CCSER1: variants seen among roughly 807,000 people sequenced by gnomAD.
The protein encoded by CCSER1 is coiled-coil serine rich protein 1.
In CCSER1, 41 loss-of-function variants were observed where a neutral mutation model predicts 82.0. That is an observed-to-expected ratio of 0.50 (90% confidence interval 0.39 to 0.65). The LOEUF is 0.65. Ranked by LOEUF, CCSER1 falls within the 30% of genes least tolerant of loss-of-function variation. The pLI, the probability that CCSER1 is intolerant of heterozygous loss-of-function variation, is 0.00. For synonymous variants in CCSER1, 414 were observed against 383.9 expected, an observed-to-expected ratio of 1.08 and a Z score of -0.92; for missense variants, 1,119 against 1,064.2, an observed-to-expected ratio of 1.05 and a Z score of -0.72.
chr4:91,109,424 T>C (rs375183665), intron 10 of CCSER1, among the ~76,000 whole-genome samples: 2 of 152,006 alleles, frequency 1.3e-5, no homozygotes, highest in Non-Finnish European at 2.9e-5. Context: ...CAGTAACTTA[T>C]TAGCCCTAGT....
intron 10 of CCSER1, among the ~76,000 whole-genome samples, chr4:91,429,789 T>C (rs1754189533): frequency 6.6e-6 from 1 of 151,946 alleles, no homozygotes; most frequent in Admixed American, 6.6e-5. Context: ...TTAAGTACTA[T>C]TGAATGTAAT....
At chr4:91,416,201 A>G (rs544816342) in intron 10 of CCSER1, among the ~76,000 whole-genome samples, 14 of 152,168 alleles carry the variant, frequency 9.2e-5, no homozygotes, top group Non-Finnish European at 1.9e-4. Context: ...GAAATCAGAG[A>G]GAACACATAC....
chr4:90,145,143 A>AT (rs1206569216), intron 1 of CCSER1, among the ~76,000 whole-genome samples: 3 of 152,096 alleles, frequency 2.0e-5, no homozygotes, highest in Non-Finnish European at 4.4e-5. Context: ...TGCTAATTCT[A>AT]TTTTTATGTT....
intron 7 of CCSER1, among the ~76,000 whole-genome samples, chr4:90,733,770 A>T (rs528530406): frequency 1.3e-5 from 2 of 152,264 alleles, no homozygotes; most frequent in South Asian, 4.1e-4. Context: ...GGCATCATTT[A>T]TTAAAGAGAT....
intron 6 of CCSER1, among the ~76,000 whole-genome samples, chr4:90,666,374 G>A (rs1024757055): frequency 6.6e-6 from 1 of 152,128 alleles, no homozygotes; most frequent in Non-Finnish European, 1.5e-5. Flanking sequence ...TGCCTACCAT[G>A]GTGGTTGAAT....
chr4:90,684,683 C>A (rs951564547), intron 6 of CCSER1, among the ~76,000 whole-genome samples: 1 of 151,918 alleles, frequency 6.6e-6, no homozygotes. Flanking sequence ...TGGCTGTGTC[C>A]CCACCTAAAT....
intron 1 of CCSER1, among the ~76,000 whole-genome samples, chr4:90,262,865 C>T (rs1724580296): frequency 6.6e-6 from 1 of 152,136 alleles, no homozygotes; most frequent in Admixed American, 6.6e-5. Flanking sequence ...GGAATTATGA[C>T]TCTGCCACTC....
intron 10 of CCSER1, among the ~76,000 whole-genome samples, chr4:91,476,335 A>G (rs1320688065): frequency 6.6e-6 from 1 of 151,684 alleles, no homozygotes; most frequent in African/African-American, 2.4e-5. Context: ...AGACATTTTA[A>G]CTGGGATGAT....
rs1031475904 is a variant in CCSER1, at chr4:90,181,854, T to C, written c.-42+54023T>C. 1.2e-4 allele frequency among the ~76,000 whole-genome samples: 19 copies of C among 152,278 alleles called. No individual in the cohort carries two copies. The East Asian group carries it at 3.3e-3, about 26-fold the overall frequency. ...TGCCTTTATCTGTCTTTCTCTACTT[T>C]GCCCAGTCCTCTGAGAGTGTGAGAC... On this transcript the variant is annotated intron_variant, in intron 1 of 10. Coordinates refer to ENST00000509176, the MANE Select transcript of CCSER1 (RefSeq NM_001145065.2).
At chr4:90,294,475 T>A (rs1416886312) in intron 1 of CCSER1, among the ~76,000 whole-genome samples, 22 of 152,074 alleles carry the variant, frequency 1.4e-4, no homozygotes, top group Admixed American at 1.4e-3. Context: ...ACACTAGGAA[T>A]TGATGTTTGT....
At chr4:90,128,045 A>G (rs1366141747) in intron 1 of CCSER1, among the ~76,000 whole-genome samples, 1 of 151,828 alleles carries the variant, frequency 6.6e-6, no homozygotes, top group East Asian at 1.9e-4. Flanking sequence ...GGGCTCGCTC[A>G]CCACCGGCCC....
chr4:90,593,753 C>T (rs925338533), intron 5 of CCSER1, among the ~76,000 whole-genome samples: 1 of 151,982 alleles, frequency 6.6e-6, no homozygotes, highest in African/African-American at 2.4e-5. Flanking sequence ...TTGGATGCGT[C>T]TCCTCTGTGT....
At chr4:90,273,059 G>T (rs921723234) in intron 1 of CCSER1, among the ~76,000 whole-genome samples, 1 of 151,992 alleles carries the variant, frequency 6.6e-6, no homozygotes, top group Non-Finnish European at 1.5e-5. Flanking sequence ...GTCGTGTGTA[G>T]CAACATGGAT....
chr4:90,156,500 G>A (rs1728210634), intron 1 of CCSER1, among the ~76,000 whole-genome samples: 1 of 152,120 alleles, frequency 6.6e-6, no homozygotes, highest in Admixed American at 6.5e-5. Context: ...ATTAATGTTT[G>A]GGAGTCTAAG....
chr4:90,150,566 T>C (rs1491001691), intron 1 of CCSER1, among the ~76,000 whole-genome samples: 2 of 152,134 alleles, frequency 1.3e-5, no homozygotes, highest in African/African-American at 2.4e-5. Flanking sequence ...TTTGAACATA[T>C]AAACATTTAC....
At chr4:91,024,652 T>C (rs1740327350) in intron 9 of CCSER1, among the ~76,000 whole-genome samples, 2 of 152,148 alleles carry the variant, frequency 1.3e-5, no homozygotes, top group Admixed American at 1.3e-4. Context: ...AAAAAGAAAA[T>C]AAAGTACTGA....
chr4:90,492,924 G>A (rs943922689), intron 5 of CCSER1, among the ~76,000 whole-genome samples: 20 of 152,130 alleles, frequency 1.3e-4, no homozygotes, highest in Non-Finnish European at 2.6e-4. Context: ...TTGCTGAGGA[G>A]TGCTTTACTT....
rs549516211 is a variant in CCSER1, at chr4:91,401,714, A to G, written c.2218-196858A>G. Among the ~76,000 whole-genome samples the G allele has an allele frequency of 7.9e-5, 12 of 152,232 alleles. No individual in the cohort carries two copies. The East Asian group carries it at 2.1e-3, about 27-fold the overall frequency. On this transcript the variant is annotated intron_variant, in intron 10 of 10. Coordinates refer to ENST00000509176, the MANE Select transcript of CCSER1 (RefSeq NM_001145065.2). ...GGTTTCCAGCTTCATCCATATCCCTACAAAGGACATGAACTCATCCTTTTG... is the reference window on the plus strand; with the variant it reads ...GGTTTCCAGCTTCATCCATATCCCTGCAAAGGACATGAACTCATCCTTTTG...
At chr4:90,669,289 A>C (rs1285170369) in intron 6 of CCSER1, among the ~76,000 whole-genome samples, 1 of 152,070 alleles carries the variant, frequency 6.6e-6, no homozygotes, top group Non-Finnish European at 1.5e-5. Flanking sequence ...AAACTTATTA[A>C]AATATATGGT....
Sources: gnomAD v4.1 joint callset for allele counts (sites outside exome capture counted in the v4.1 genomes callset) on GRCh38, gnomAD v4.1.1 for gene constraint, MANE v1.5 for transcripts, NCBI Gene and HGNC (gene_info 2026-07-23, HGNC 2026-07-21) for gene names.